Variants in PGM5 observed in about 807,000 individuals in gnomAD.
PGM5 encodes phosphoglucomutase-like protein 5.
In PGM5, 23 loss-of-function variants were observed where a neutral mutation model predicts 59.2. That is an observed-to-expected ratio of 0.39 (90% CI 0.28 to 0.55). The LOEUF is 0.55. Ranked by LOEUF, PGM5 falls within the 20% of genes least tolerant of loss-of-function variation. PGM5 has a pLI of 0.66. For synonymous variants in PGM5, 214 were observed against 286.0 expected (o/e 0.75, Z 2.54); for missense variants, 574 against 748.3 (o/e 0.77, Z 2.72).
intron 6 of PGM5, among the ~76,000 whole-genome samples, chr9:68,456,781 T>C (rs1369253978): frequency 1.3e-5 from 2 of 151,938 alleles, no homozygotes; most frequent in African/African-American, 4.8e-5. Context: ...CCCACCACCA[T>C]GCCTGGCTAA....
chr9:68,360,740 G>C (rs1834559459), intron 1 of PGM5, among the ~76,000 whole-genome samples: 1 of 152,052 alleles, frequency 6.6e-6, no homozygotes, highest in Non-Finnish European at 1.5e-5. Flanking sequence ...TTTTTTGCTT[G>C]TGTTTGAAAG....
At chr9:68,476,448 T>C (rs567140764) in intron 7 of PGM5, among the ~76,000 whole-genome samples, 1 of 152,354 alleles carries the variant, frequency 6.6e-6, no homozygotes, top group African/African-American at 2.4e-5. Flanking sequence ...CTGTTTATAG[T>C]GGGGTTTTAG....
At chr9:68,384,890 T>C (rs1286659110) in intron 3 of PGM5, among the ~76,000 whole-genome samples, 2 of 150,708 alleles carry the variant, frequency 1.3e-5, no homozygotes, top group African/African-American at 2.4e-5. Context: ...AGAAGAAACC[T>C]AACAAGTCAA....
chr9:68,360,050 G>C (rs1381167472), intron 1 of PGM5, among the ~76,000 whole-genome samples: 1 of 151,920 alleles, frequency 6.6e-6, no homozygotes. Context: ...TCTCTGTGTT[G>C]CCCAGTCTAG....
In PGM5 at chr9:68,499,356, C is replaced by A; in HGVS notation, c.1609C>A (p.Pro537Thr). 5 of 1,613,964 alleles carry A rather than the reference C, an allele frequency of 3.1e-6. No individual in the cohort carries two copies. The highest frequency in any genetic ancestry group is 4.2e-6 in the Non-Finnish European group (5 of 1,179,934). Residue 537 changes from proline (P) to threonine (T), a missense_variant, in exon 10 of 11, where the codon CCA becomes ACA. Transcript: ENST00000396396. ...GGATCCCAGCGGCCATGACCAGGAG[C>A]CACAGGTACAGAAACAGCTGTGCTC... Reference protein sequence around the residue: ...ERDPSGHDQEPQAVLSPLIAI... With the variant: ...ERDPSGHDQETQAVLSPLIAI...
At chr9:68,482,744 C>G (rs1262056971) in intron 8 of PGM5, among the ~76,000 whole-genome samples, 7 of 152,168 alleles carry the variant, frequency 4.6e-5, no homozygotes, top group Admixed American at 4.6e-4. Context: ...TCAGCCAAGA[C>G]CATCTGACAT....
intron 4 of PGM5, among the ~76,000 whole-genome samples, chr9:68,389,224 T>C (rs1465440806): frequency 6.6e-6 from 1 of 152,118 alleles, no homozygotes; most frequent in Non-Finnish European, 1.5e-5. Flanking sequence ...ATGGATACCA[T>C]ATCTTTTTAA....
chr9:68,426,623 T>C (rs1380871797), intron 6 of PGM5, among the ~76,000 whole-genome samples: 2 of 152,044 alleles, frequency 1.3e-5, no homozygotes, highest in African/African-American at 4.8e-5. Flanking sequence ...ATTTTTTTTT[T>C]TTTTTGGCCA....
chr9:68,415,270 G>A (rs545055217), intron 6 of PGM5, among the ~76,000 whole-genome samples: 1 of 149,430 alleles, frequency 6.7e-6, no homozygotes, highest in Non-Finnish European at 1.5e-5. Context: ...CAGAGCTCTG[G>A]GCAGTGTGGG....
intron 6 of PGM5, among the ~76,000 whole-genome samples, chr9:68,442,349 G>A (rs782772371): frequency 3.3e-4 from 50 of 152,140 alleles, no homozygotes; most frequent in South Asian, 6.2e-4. Flanking sequence ...CAATGGCACC[G>A]TGTTGGATCA....
chr9:68,529,626 T>A lies in PGM5; in HGVS notation c.1674T>A (p.Thr558=). The change falls in exon 11 of 11, where the codon ACT becomes ACA. Residue 558 remains threonine (T), a synonymous_variant. Transcript: ENST00000396396. ...ALKISQIHER[T]GRRGPTVIT ...AAATATCCCAGATTCATGAGAGAACTGGCCGGAGGGGACCCACTGTCATCA... is the reference window on the plus strand; with the variant it reads ...AAATATCCCAGATTCATGAGAGAACAGGCCGGAGGGGACCCACTGTCATCA... 6.2e-7 allele frequency: 1 copy of A among 1,600,528 alleles called. No homozygotes were observed. Among genetic ancestry groups the A allele is most frequent in the Middle Eastern group, 1.7e-4 (1 of 6,050 alleles).
rs150426089 is a variant in PGM5, at chr9:68,394,915, C to A, written c.1043+2442C>A. On this transcript the variant is annotated intron_variant, in intron 6 of 10. Transcript: ENST00000396396. ...GGGATTATGGGTATGAGCCACTGAA[C>A]CTGGCTACTTTTAATCTTCTTATTA... is the stretch of plus-strand genomic sequence containing the variant. Among the ~76,000 whole-genome samples, 1,199 of 152,234 alleles carry A rather than the reference C, an allele frequency of 7.9e-3. 10 individuals are homozygous for A. The highest frequency in any genetic ancestry group is 0.024 in the Middle Eastern group (7 of 292).
At chr9:68,441,281 A>C (rs1227584777) in intron 6 of PGM5, among the ~76,000 whole-genome samples, 1 of 152,146 alleles carries the variant, frequency 6.6e-6, no homozygotes, top group African/African-American at 2.4e-5. Flanking sequence ...AACACATTTT[A>C]TGAGGCTAGC....
intron 6 of PGM5, among the ~76,000 whole-genome samples, chr9:68,449,497 C>T (rs1449250129): frequency 2.0e-5 from 3 of 152,162 alleles, no homozygotes; most frequent in Non-Finnish European, 4.4e-5. Context: ...GCTATGGGTG[C>T]CCTCTGATGG....
intron 6 of PGM5, among the ~76,000 whole-genome samples, chr9:68,415,873 C>T (rs539896674): frequency 2.3e-4 from 34 of 148,674 alleles, no homozygotes; most frequent in Admixed American, 5.5e-4. Context: ...TACATAAATA[C>T]ATAGGTACAT....
chr9:68,428,808 A>G (rs1823293557), intron 6 of PGM5: 1 of 152,242 alleles, frequency 6.6e-6, no homozygotes, highest in Non-Finnish European at 1.5e-5. Context: ...ATGCACATAC[A>G]TTCTATGAAA....
chr9:68,450,671 A>T (rs908130497), intron 6 of PGM5, among the ~76,000 whole-genome samples: 2 of 152,190 alleles, frequency 1.3e-5, no homozygotes, highest in Non-Finnish European at 1.5e-5. Context: ...AGGGGGGAAA[A>T]ATCCACTGTC....
chr9:68,378,907 C>A (rs550492001), intron 2 of PGM5, among the ~76,000 whole-genome samples: 79 of 152,146 alleles, frequency 5.2e-4, no homozygotes, highest in South Asian at 1.2e-3. Context: ...GAGTAAATTT[C>A]TTTTAAAATT....
chr9:68,441,320 T>C (rs1463424199), intron 6 of PGM5, among the ~76,000 whole-genome samples: 2 of 152,152 alleles, frequency 1.3e-5, no homozygotes, highest in Admixed American at 6.5e-5. Context: ...TAGACAAAGA[T>C]AGAATTTTTA....
Sources: gnomAD v4.1 joint callset for allele counts (sites outside exome capture counted in the v4.1 genomes callset) on GRCh38, gnomAD v4.1.1 for gene constraint, MANE v1.5 for transcripts, NCBI Gene and HGNC (gene_info 2026-07-23, HGNC 2026-07-21) for gene names.